Variants in APBB1 observed in about 807,000 individuals in gnomAD.
APBB1 encodes amyloid beta precursor protein binding family B member 1.
Under a neutral mutation model 78.4 loss-of-function variants are expected in APBB1, and 22 were observed. The ratio of observed to expected loss-of-function variants is 0.28; its 90% CI spans 0.20 to 0.40. The LOEUF (loss-of-function observed/expected upper bound fraction) is 0.40, where lower values mean the gene tolerates loss of function less well. APBB1 is among the 10% of genes least tolerant of loss of function. The probability of loss-of-function intolerance (pLI) is 1.00; values close to 1 mark genes in which losing one functional copy is unlikely to be tolerated. For synonymous variants in APBB1, 369 were observed against 372.7 expected, an observed-to-expected ratio of 0.99 and a Z score of 0.12; for missense variants, 749 against 932.4, an observed-to-expected ratio of 0.80 and a Z score of 2.56.
Position 6,404,953 on chromosome 11 carries a change from C to G in APBB1, c.722-1131G>C, listed in dbSNP as rs533442456. On this transcript the variant is annotated intron_variant, in intron 2 of 14. Transcript: ENST00000609360. ...GCGTCTGCCAGGCAAGATCCTCCCC[C>G]GCTTGGAGCTTGCTAGGGAGGGGCC... 3.3e-4 allele frequency: 482 copies of G among 1,439,590 alleles called. 1 individual carries two copies. Among genetic ancestry groups the G allele is most frequent in the Middle Eastern group, 1.3e-3 (5 of 3,902 alleles). The allele number at this position is 1,439,590 out of a possible 1,614,324, so 89.2% of individuals were successfully genotyped here. A position where few individuals can be genotyped will look rare whatever the true frequency, so the allele number is the denominator to read the frequency against.
intron 12 of APBB1, among the ~76,000 whole-genome samples, chr11:6,399,015 T>C (rs1848364704): frequency 6.6e-6 from 1 of 152,254 alleles, no homozygotes; most frequent in Non-Finnish European, 1.5e-5. Context: ...TTTGACATGA[T>C]ACCCTACCAC....
intron 1 of APBB1, among the ~76,000 whole-genome samples, chr11:6,415,159 C>T (rs796294523): frequency 1.7e-4 from 26 of 152,346 alleles, no homozygotes; most frequent in Middle Eastern, 3.4e-3. Context: ...AATCTCTCCC[C>T]TCTCATTGGA....
In APBB1 at chr11:6,404,466, C is replaced by A. The variant is rs942150751; in HGVS notation, c.722-644G>T. 7.0e-6 allele frequency: 7 copies of A among 1,004,334 alleles called. No individual in the cohort carries two copies. In the African/African-American group the frequency reaches 1.1e-4, roughly 16 times the overall value. The allele number at this position is 1,004,334 out of a possible 1,614,324, so 62.2% of individuals were successfully genotyped here. ...AATGGCCCCAACACACGTGTGGGTA[C>A]CACACACACAGGCGGACCCACACTC... On this transcript the variant is annotated intron_variant, in intron 2 of 14. Transcript: ENST00000609360.
At chr11:6,412,034 G>A (rs1427393130) in intron 1 of APBB1, among the ~76,000 whole-genome samples, 1 of 152,206 alleles carries the variant, frequency 6.6e-6, no homozygotes, top group Non-Finnish European at 1.5e-5. Flanking sequence ...CCATGAAGTA[G>A]CTCCCCTTGG....
At chr11:6,408,748 C>A (rs1253001506) in intron 2 of APBB1, among the ~76,000 whole-genome samples, 2 of 152,202 alleles carry the variant, frequency 1.3e-5, no homozygotes, top group Non-Finnish European at 2.9e-5. Context: ...ACGTGATCCA[C>A]CTGCCTCGGC....
intron 2 of APBB1, among the ~76,000 whole-genome samples, chr11:6,409,469 T>C (rs1212875241): frequency 1.3e-5 from 2 of 152,202 alleles, no homozygotes; most frequent in African/African-American, 2.4e-5. Context: ...TAGTTATGTA[T>C]TGATAATTGG....
At position 6,401,956 on chromosome 11, in the gene APBB1, G is replaced by C; in HGVS notation, c.1388+21C>G. 6.4e-7 allele frequency: 1 copy of C among 1,556,302 alleles called. No homozygotes were observed. The highest frequency in any genetic ancestry group is 8.7e-7 in the Non-Finnish European group (1 of 1,152,862). On this transcript the variant is annotated intron_variant, in intron 9 of 14. Transcript: ENST00000609360. This position sits in a 1 kb window ranked among gnomAD's most constrained non-coding sequence, Gnocchi z 4.5. ...CCAGGCATCTGGTCCAGGTGTAGGA[G>C]GGGGAAAATAGGCATAGTACCTCTC...
intron 1 of APBB1, among the ~76,000 whole-genome samples, chr11:6,412,763 C>T (rs1849003759): frequency 6.6e-6 from 1 of 152,146 alleles, no homozygotes. Flanking sequence ...ATGAATCAGT[C>T]CCCATTTCCT....
rs757926518 is a variant in APBB1 at position 6,401,355 on chromosome 11, G to A, written c.1578C>T (p.Val526=). 1 of 1,614,150 alleles carries A rather than the reference G, an allele frequency of 6.2e-7. No homozygotes were observed. Among genetic ancestry groups the A allele is most frequent in the Admixed American group, 1.7e-5 (1 of 60,012 alleles). Residue 526 remains valine, a synonymous_variant, in exon 11 of 15, where the codon GTC becomes GTT. Coordinates refer to ENST00000609360, the MANE Select transcript of APBB1 (RefSeq NM_001164.5). This position sits in a 1 kb window ranked among gnomAD's most constrained non-coding sequence, Gnocchi z 4.5. ...GGTTTTGACACTGACCTTGGAAAGG[G>A]ACATCCACAAGTTTAGAGTGGTCCA... ...LSLDHSKLVD[V]PFQVEFPAPK...
chr11:6,411,493 AT>A lies in APBB1; in HGVS notation c.-14-133del, dbSNP rs1409520132. The A allele has an allele frequency of 2.7e-6, 2 of 749,254 alleles. No homozygotes were observed. The highest frequency in any genetic ancestry group is 4.1e-6 in the Non-Finnish European group (2 of 483,762). The allele number at this position is 749,254 out of a possible 1,614,324, so 46.4% of individuals were successfully genotyped here. A position where few individuals can be genotyped will look rare whatever the true frequency, so the allele number is the denominator to read the frequency against. ...AGCAGGCTAGCACCCATGGCTCTCT[AT>A]CCTATGAGAATGACTGGGTTCAACT... On this transcript the variant is annotated intron_variant, in intron 1 of 14. Coordinates refer to ENST00000609360, the MANE Select transcript of APBB1 (RefSeq NM_001164.5). The surrounding 1 kb of genome is among the most constrained non-coding windows in gnomAD (Gnocchi z 5.2).
intron 1 of APBB1, among the ~76,000 whole-genome samples, chr11:6,413,143 C>G (rs976977765): frequency 1.3e-5 from 2 of 152,066 alleles, no homozygotes; most frequent in Non-Finnish European, 2.9e-5. Flanking sequence ...TTATTTCTCC[C>G]TGACCAACCA....
At position 6,401,385 on chromosome 11, in the gene APBB1, G is replaced by C. The variant is rs367723592; in HGVS notation, c.1548C>G (p.Leu516=). 8.7e-6 allele frequency: 14 copies of C among 1,614,038 alleles called. No individual in the cohort carries two copies. The African/African-American group carries it at 1.3e-4, about 15-fold the overall frequency. The part of the protein sequence containing the change: ...RRNARCLVNG[L]SLDHSKLVDV... ...CCACAAGTTTAGAGTGGTCCAGGGA[G>C]AGTCCATTTACCAAGCAGCGGGCAT... Residue 516 remains leucine (L), a synonymous_variant, in exon 11 of 15, where the codon CTC becomes CTG. Transcript: ENST00000609360. The surrounding 1 kb of genome is among the most constrained non-coding windows in gnomAD (Gnocchi z 4.5).
intron 2 of APBB1, among the ~76,000 whole-genome samples, chr11:6,406,916 G>C (rs1376083887): frequency 6.6e-6 from 1 of 152,208 alleles, no homozygotes; most frequent in African/African-American, 2.4e-5. Flanking sequence ...GTGAAGGCCA[G>C]GAGGTAAGAA....
upstream of APBB1, chr11:6,419,122 C>T (rs1297096628): frequency 1.4e-5 from 5 of 369,352 alleles, no homozygotes; most frequent in Non-Finnish European, 4.8e-6. Flanking sequence ...GCGGCGGAGG[C>T]GCGCGCAAGG....
chr11:6,405,222 A>G (rs1848751085), intron 2 of APBB1: 4 of 1,054,932 alleles, frequency 3.8e-6, no homozygotes, highest in Non-Finnish European at 4.6e-6. Flanking sequence ...TGCAGAGCCT[A>G]TAGCTGTCAG....
chr11:6,404,497 C>T lies in APBB1; in HGVS notation c.722-675G>A, dbSNP rs182774692. 2.3e-6 allele frequency: 3 copies of T among 1,322,558 alleles called. No homozygotes were observed. In the East Asian group the frequency reaches 7.6e-5, roughly 33 times the overall value. 81.9% of individuals were successfully genotyped at this position (1,322,558 alleles called of 1,614,324 possible). Reference sequence around the variant, plus strand: ...ACACAGGCGGACCCACACTCAGACACACGGCACACGTCAAACCCTGCCAAA... The same window carrying T: ...ACACAGGCGGACCCACACTCAGACATACGGCACACGTCAAACCCTGCCAAA... On this transcript the variant is annotated intron_variant, in intron 2 of 14. Coordinates refer to ENST00000609360, the MANE Select transcript of APBB1 (RefSeq NM_001164.5).
rs1419908678 is a variant in APBB1 at position 6,401,561 on chromosome 11, G to C, written c.1503+13C>G. ...AAGGTGGCAACTAGTCCAGGGAGTG[G>C]AGGGGGCCGTGCCTTAGAGCAGATC... On this transcript the variant is annotated intron_variant, in intron 10 of 14. Coordinates refer to ENST00000609360, the MANE Select transcript of APBB1 (RefSeq NM_001164.5). This position sits in a 1 kb window ranked among gnomAD's most constrained non-coding sequence, Gnocchi z 4.5. 20 of 1,614,086 alleles carry C rather than the reference G, an allele frequency of 1.2e-5. No individual in the cohort carries two copies. Among genetic ancestry groups the C allele is most frequent in the African/African-American group, 2.7e-5 (2 of 74,926 alleles).
chr11:6,400,146 G>A (rs1439213812), intron 12 of APBB1, among the ~76,000 whole-genome samples: 1 of 152,018 alleles, frequency 6.6e-6, no homozygotes, highest in African/African-American at 2.4e-5. Flanking sequence ...TGTTCTCCCT[G>A]TGCCTAGTCC....
intron 12 of APBB1, among the ~76,000 whole-genome samples, chr11:6,397,933 G>T (rs1430989043): frequency 6.6e-6 from 1 of 152,206 alleles, no homozygotes; most frequent in African/African-American, 2.4e-5. Context: ...TGCTTCAAAA[G>T]CCAGGCAGAG....
Sources: gnomAD v4.1 joint callset for allele counts (sites outside exome capture counted in the v4.1 genomes callset) on GRCh38, gnomAD v4.1.1 for gene constraint, Gnocchi (gnomAD v3.1) non-coding constraint, MANE v1.5 for transcripts, NCBI Gene and HGNC (gene_info 2026-07-23, HGNC 2026-07-21) for gene names.